The following ULK4 variants were observed in gnomAD, a reference collection of about 807,000 sequenced individuals.
The protein encoded by ULK4 is unc-51 like kinase 4.
A neutral mutation model predicts 160.6 loss-of-function variants in ULK4; 133 were observed. The ratio of observed to expected loss-of-function variants is 0.83; its 90% CI spans 0.72 to 0.96. The LOEUF (loss-of-function observed/expected upper bound fraction) is 0.96, where lower values mean the gene tolerates loss of function less well. Ranked by LOEUF, ULK4 falls within the 40% of genes least tolerant of loss-of-function variation. The probability of loss-of-function intolerance (pLI) is 0.00; values close to 1 mark genes in which losing one functional copy is unlikely to be tolerated. For synonymous variants in ULK4, 534 were observed against 539.8 expected, an observed-to-expected ratio of 0.99 and a Z score of 0.15; for missense variants, 1,580 against 1,499.5, an observed-to-expected ratio of 1.05 and a Z score of -0.89.
At chr3:41,840,742 C>T (rs549653038) in intron 17 of ULK4, among the ~76,000 whole-genome samples, 6 of 152,338 alleles carry the variant, frequency 3.9e-5, no homozygotes, top group South Asian at 2.1e-4. Context: ...ACCTTCCAGC[C>T]GCCTGCCTTG....
chr3:41,520,131 TTG>T (rs1162788464), intron 32 of ULK4, among the ~76,000 whole-genome samples: 1 of 152,182 alleles, frequency 6.6e-6, no homozygotes, highest in Non-Finnish European at 1.5e-5. Context: ...ATTCACAGTG[TTG>T]TGTAACCATC....
At position 41,462,460 on chromosome 3, in the gene ULK4, G is replaced by A. The variant is rs377306010; in HGVS notation, c.3393+627C>T. ...CAGAGCATTAAATAAAACAGGCATAGGAAAGTACTCTATAAAACCACACCT... is the reference window on the plus strand; with the variant it reads ...CAGAGCATTAAATAAAACAGGCATAAGAAAGTACTCTATAAAACCACACCT... On this transcript the variant is annotated intron_variant, in intron 33 of 36. Transcript: ENST00000301831. 6.0e-4 allele frequency among the ~76,000 whole-genome samples: 92 copies of A among 152,258 alleles called. 2 individuals carry two copies. In the South Asian group the frequency reaches 0.018, roughly 30 times the overall value.
chr3:41,495,798 C>T (rs763654912), intron 32 of ULK4, among the ~76,000 whole-genome samples: 1 of 151,620 alleles, frequency 6.6e-6, no homozygotes, highest in Non-Finnish European at 1.5e-5. Context: ...CAAAAGAAGA[C>T]ATTTACGCAG....
chr3:41,455,390 G>T, intron 34 of ULK4, 107 bp downstream of exon 34: 1 of 1,054,662 alleles, frequency 9.5e-7, no homozygotes, highest in Non-Finnish European at 1.4e-6. Flanking sequence ...TTTGGCTCTA[G>T]TTTTGAAGGG....
At chr3:41,415,351 G>A (rs1434222308) in intron 34 of ULK4, among the ~76,000 whole-genome samples, 1 of 152,126 alleles carries the variant, frequency 6.6e-6, no homozygotes, top group Non-Finnish European at 1.5e-5. Flanking sequence ...ATGGGTTTGA[G>A]ACAGCCACCC....
At chr3:41,406,148 G>A (rs1474739074) in intron 34 of ULK4, among the ~76,000 whole-genome samples, 1 of 152,094 alleles carries the variant, frequency 6.6e-6, no homozygotes, top group Non-Finnish European at 1.5e-5. Flanking sequence ...TTTTGTATAT[G>A]GCAAAAGATA....
intron 32 of ULK4, among the ~76,000 whole-genome samples, chr3:41,469,205 G>C (rs1575265791): frequency 6.6e-6 from 1 of 152,086 alleles, no homozygotes; most frequent in African/African-American, 2.4e-5. Context: ...ACTCAGTCAA[G>C]CTTCAAAGCT....
intron 32 of ULK4, among the ~76,000 whole-genome samples, chr3:41,496,225 C>T (rs904107825): frequency 5.1e-4 from 77 of 152,072 alleles, no homozygotes; most frequent in Non-Finnish European, 1.3e-4. Flanking sequence ...AATAAATGCT[C>T]ATCATAAGTA....
intron 35 of ULK4, among the ~76,000 whole-genome samples, chr3:41,295,194 A>T (rs1172255370): frequency 1.3e-5 from 1 of 75,690 alleles, no homozygotes; most frequent in South Asian, 4.7e-4. Context: ...AAAACAATGG[A>T]GCAAACATAG....
chr3:41,551,253 A>G (rs1408185946), intron 32 of ULK4, among the ~76,000 whole-genome samples: 1 of 151,840 alleles, frequency 6.6e-6, no homozygotes, highest in Non-Finnish European at 1.5e-5. Flanking sequence ...CAAAACCAAA[A>G]TTAGTAGCAG....
At chr3:41,809,335 A>G (rs2040750754) in intron 19 of ULK4, among the ~76,000 whole-genome samples, 1 of 151,992 alleles carries the variant, frequency 6.6e-6, no homozygotes, top group Admixed American at 6.6e-5. Flanking sequence ...TGAAAATCCT[A>G]TGTTCTTGGT....
chr3:41,798,298 A>C (rs2040360153), intron 20 of ULK4, among the ~76,000 whole-genome samples: 1 of 152,194 alleles, frequency 6.6e-6, no homozygotes, highest in Admixed American at 6.5e-5. Context: ...GATTAAAATG[A>C]ATGTCTTAAA....
intron 21 of ULK4, among the ~76,000 whole-genome samples, chr3:41,756,020 T>C (rs1336508621): frequency 6.6e-6 from 1 of 152,000 alleles, no homozygotes; most frequent in Non-Finnish European, 1.5e-5. Flanking sequence ...GAGAGACAAA[T>C]TATAAAGTAA....
chr3:41,852,706 G>A (rs1434915052), intron 17 of ULK4, among the ~76,000 whole-genome samples: 1 of 152,112 alleles, frequency 6.6e-6, no homozygotes. Flanking sequence ...AACCCCAGGT[G>A]GATGGGGGGA....
At chr3:41,307,972 T>TAA (rs2079981121) in intron 35 of ULK4, among the ~76,000 whole-genome samples, 2 of 152,142 alleles carry the variant, frequency 1.3e-5, no homozygotes, top group Non-Finnish European at 2.9e-5. Context: ...ACCCAAAAGC[T>TAA]TGAGTTTCCG....
intron 32 of ULK4, among the ~76,000 whole-genome samples, chr3:41,539,242 A>G (rs1416307663): frequency 2.6e-5 from 4 of 152,118 alleles, no homozygotes; most frequent in Non-Finnish European, 4.4e-5. Flanking sequence ...ACTATTTAAT[A>G]TTGCCATTAT....
At chr3:41,742,596 A>C (rs1370899118) in intron 22 of ULK4, among the ~76,000 whole-genome samples, 1 of 151,946 alleles carries the variant, frequency 6.6e-6, no homozygotes, top group Admixed American at 6.5e-5. Flanking sequence ...AACGAGAACC[A>C]AGAAAATCGC....
rs541694121 is a variant in ULK4, at chr3:41,857,214, C to G, written c.1657-21243G>C. On this transcript the variant is annotated intron_variant, in intron 17 of 36. Coordinates refer to ENST00000301831, the MANE Select transcript of ULK4 (RefSeq NM_017886.4). ...GTTTCTGTAGAGCCCTATTCTCTTT[C>G]CCTAGAGGGCCAGCTTTCCCCATCT... Among the ~76,000 whole-genome samples, 3 of 152,248 alleles carry G rather than the reference C, an allele frequency of 2.0e-5. No individual in the cohort carries two copies. The South Asian group carries it at 6.2e-4, about 32-fold the overall frequency.
intron 32 of ULK4, among the ~76,000 whole-genome samples, chr3:41,504,663 T>A (rs2085318973): frequency 6.6e-6 from 1 of 152,116 alleles, no homozygotes; most frequent in South Asian, 2.1e-4. Context: ...CAGAAAAAAA[T>A]CTACAGGCAC....
Sources: gnomAD v4.1 joint callset for allele counts (sites outside exome capture counted in the v4.1 genomes callset) on GRCh38, gnomAD v4.1.1 for gene constraint, MANE v1.5 for transcripts, NCBI Gene and HGNC (gene_info 2026-07-23, HGNC 2026-07-21) for gene names.